Variants in METTL21C observed in about 807,000 individuals in gnomAD.
METTL21C encodes methyltransferase 21C, AARS1 lysine.
A neutral mutation model predicts 25.9 loss-of-function variants in METTL21C; 21 were observed. That is an observed-to-expected ratio of 0.81 (90% CI 0.58 to 1.17). METTL21C has a LOEUF of 1.17. METTL21C is among the 50% of genes most tolerant of loss of function. The pLI is 0.00. For synonymous variants in METTL21C, 125 were observed against 124.7 expected, an observed-to-expected ratio of 1.00 and a Z score of -0.01; for missense variants, 312 against 315.1, an observed-to-expected ratio of 0.99 and a Z score of 0.07.
intron 1 of METTL21C, among the ~76,000 whole-genome samples, chr13:102,692,397 A>G (rs1885854800): frequency 1.3e-5 from 2 of 152,176 alleles, no homozygotes; most frequent in Admixed American, 1.3e-4. Context: ...CAGTAAGTAG[A>G]GGGATTTGGA....
chr13:102,699,446 C>T (rs375222764), upstream of METTL21C, among the ~76,000 whole-genome samples: 10 of 152,258 alleles, frequency 6.6e-5, no homozygotes, highest in African/African-American at 1.9e-4. Context: ...TATTCCTGTT[C>T]CCATCCCAGA....
the METTL21C span, among the ~76,000 whole-genome samples, chr13:102,700,918 C>T: frequency 6.6e-6 from 1 of 151,800 alleles, no homozygotes; most frequent in African/African-American, 2.4e-5. Flanking sequence ...TAGCGCCGTC[C>T]GCTGCTTGGA....
At position 102,694,458 on chromosome 13, in the gene METTL21C, C is replaced by G; in HGVS notation, c.41G>C (p.Arg14Pro). 1.4e-6 allele frequency: 2 copies of G among 1,458,582 alleles called. No individual in the cohort carries two copies. Among genetic ancestry groups the G allele is most frequent in the Non-Finnish European group, 1.8e-6 (2 of 1,112,330 alleles). The allele number at this position is 1,458,582 out of a possible 1,614,324, so 90.4% of individuals were successfully genotyped here. Residue 14 changes from arginine to proline, a missense_variant, in exon 1 of 4, where the codon CGG becomes CCG. Transcript: ENST00000267273. ...CLSSAQQPGR[R>P]GEGLSSPGGW... ...ACCCGGGGAGCTGAGTCCTTCCCCCCGGCGCCCAGGCTGCTGCGCGGAGCT... is the reference window on the plus strand; with the variant it reads ...ACCCGGGGAGCTGAGTCCTTCCCCCGGGCGCCCAGGCTGCTGCGCGGAGCT...
At chr13:102,703,691 G>T in the METTL21C span, among the ~76,000 whole-genome samples, 1 of 152,220 alleles carries the variant, frequency 6.6e-6, no homozygotes, top group Admixed American at 6.5e-5. Flanking sequence ...GGGAGATGGG[G>T]CTTGTGAAAA....
rs757540643 is a variant in METTL21C, at chr13:102,686,194, T to C, written c.632A>G (p.Tyr211Cys). The C allele has an allele frequency of 2.5e-5, 40 of 1,614,088 alleles. No individual in the cohort carries two copies. The highest frequency in any genetic ancestry group is 3.4e-5 in the Non-Finnish European group (40 of 1,180,034). Residue 211 changes from tyrosine to cysteine, a missense_variant, in exon 4 of 4, where the codon TAC becomes TGC. Transcript: ENST00000267273. The part of the protein sequence containing the change: ...FLDKLLTTMV[Y>C]LSQPGTVLLW... ...CAGCACCGTCCCTGGCTGGGAAAGGTACACCATGGTGGTGAGCAGCTTGTC... is the reference window on the plus strand; with the variant it reads ...CAGCACCGTCCCTGGCTGGGAAAGGCACACCATGGTGGTGAGCAGCTTGTC...
upstream of METTL21C, among the ~76,000 whole-genome samples, chr13:102,698,843 A>G (rs143447459): frequency 6.0e-4 from 91 of 152,292 alleles, no homozygotes; most frequent in East Asian, 0.016. Context: ...TGTTGGTCCT[A>G]TAACACATCG....
the METTL21C span, among the ~76,000 whole-genome samples, chr13:102,700,566 T>C: frequency 0.59 from 89,673 of 152,068 alleles, 27,528 homozygotes; most frequent in Non-Finnish European, 0.66. Flanking sequence ...GGAGGAACGC[T>C]GTGCTTGGGA....
At chr13:102,700,181 CTT>C in the METTL21C span, among the ~76,000 whole-genome samples, 574 of 152,302 alleles carry the variant, frequency 3.8e-3, 3 homozygotes, top group African/African-American at 0.013. Context: ...AAGTTATAGT[CTT>C]TTTATTTTAA....
At chr13:102,693,238 A>G (rs1885873859) in intron 1 of METTL21C, among the ~76,000 whole-genome samples, 1 of 152,240 alleles carries the variant, frequency 6.6e-6, no homozygotes, top group African/African-American at 2.4e-5. Context: ...AGTGTTTATC[A>G]ACTTTGCTTT....
At position 102,687,141 on chromosome 13, in the gene METTL21C, C is replaced by G. The variant is rs188730118; in HGVS notation, c.283-84G>C. ...CCTTTCTGGCACCCAAATTTAAATA[C>G]TAAAAGACATGTTATTACATATGTT... is the stretch of plus-strand genomic sequence containing the variant. On this transcript the variant is annotated intron_variant, in intron 2 of 3. Coordinates refer to ENST00000267273, the MANE Select transcript of METTL21C (RefSeq NM_001010977.3). 281 of 956,906 alleles carry G rather than the reference C, an allele frequency of 2.9e-4. 3 individuals carry two copies. The African/African-American group carries it at 4.1e-3, about 14-fold the overall frequency. 59.3% of individuals were successfully genotyped at this position (956,906 alleles called of 1,614,324 possible).
chr13:102,685,769 A>G lies in METTL21C; in HGVS notation c.*262T>C. 1 of 371,040 alleles carries G rather than the reference A, an allele frequency of 2.7e-6. No homozygotes were observed. Among genetic ancestry groups the G allele is most frequent in the Non-Finnish European group, 4.8e-6 (1 of 206,990 alleles). 23.0% of individuals were successfully genotyped at this position (371,040 alleles called of 1,614,324 possible). Reference sequence around the variant, plus strand: ...TTATTACTTTATCCATGTAAGATTTATTAAACATGTAACTTCGTTGGAACC... The same window carrying G: ...TTATTACTTTATCCATGTAAGATTTGTTAAACATGTAACTTCGTTGGAACC... On this transcript the variant is annotated 3_prime_UTR_variant, in exon 4 of 4. Coordinates refer to ENST00000267273, the MANE Select transcript of METTL21C (RefSeq NM_001010977.3).
intron 2 of METTL21C, among the ~76,000 whole-genome samples, chr13:102,688,329 C>G (rs921736514): frequency 6.6e-6 from 1 of 152,226 alleles, no homozygotes; most frequent in Non-Finnish European, 1.5e-5. Context: ...ATGAATATGA[C>G]GCAGTCACCT....
At chr13:102,703,618 G>C in the METTL21C span, among the ~76,000 whole-genome samples, 1 of 152,234 alleles carries the variant, frequency 6.6e-6, no homozygotes, top group African/African-American at 2.4e-5. Context: ...GCACAGTGAA[G>C]CAGATGTTAT....
In METTL21C at chr13:102,694,368, C is replaced by T. The variant is rs1189708453; in HGVS notation, c.130+1G>A. 1 of 1,601,570 alleles carries T rather than the reference C, an allele frequency of 6.2e-7. No individual in the cohort carries two copies. The highest frequency in any genetic ancestry group is 8.5e-7 in the Non-Finnish European group (1 of 1,173,428). On this transcript the variant is annotated splice_donor_variant, in intron 1 of 3. Coordinates refer to ENST00000267273, the MANE Select transcript of METTL21C (RefSeq NM_001010977.3). LOFTEE classifies it high-confidence loss of function. Reference sequence around the variant, plus strand: ...GTTGAAGTGATGAAGAAGGAGGTTACCTTCTAGGACTCCCCCGGTGCTGTC... The same window carrying T: ...GTTGAAGTGATGAAGAAGGAGGTTATCTTCTAGGACTCCCCCGGTGCTGTC...
chr13:102,692,024 GAAAGAAT>G (rs1885843636), intron 1 of METTL21C, among the ~76,000 whole-genome samples: 1 of 152,160 alleles, frequency 6.6e-6, no homozygotes, highest in South Asian at 2.1e-4. Context: ...CAGCGGGTGG[GAAAGAAT>G]TAACAGTGCG....
At chr13:102,691,076 GA>G in intron 1 of METTL21C, 112 bp from the exon 2 acceptor site, 1 of 1,214,802 alleles carries the variant, frequency 8.2e-7, no homozygotes, top group Admixed American at 2.1e-5. Flanking sequence ...TACATAAAGA[GA>G]AGGGATGATG....
intron 2 of METTL21C, 63 bp from the exon 3 acceptor site, chr13:102,687,120 T>G: frequency 8.3e-7 from 1 of 1,206,288 alleles, no homozygotes; most frequent in Non-Finnish European, 1.2e-6. Context: ...AGCAACCCTT[T>G]CTGGCACCCA....
chr13:102,704,123 T>C, the METTL21C span, among the ~76,000 whole-genome samples: 1 of 152,200 alleles, frequency 6.6e-6, no homozygotes, highest in Non-Finnish European at 1.5e-5. Context: ...CCAACTAAAC[T>C]TCTCTGTTTT....
chr13:102,699,251 T>C (rs977449515), upstream of METTL21C, among the ~76,000 whole-genome samples: 2 of 152,106 alleles, frequency 1.3e-5, no homozygotes, highest in Admixed American at 6.5e-5. Context: ...CAGTGGAAAA[T>C]AACCTGAAGT....
Sources: allele counts gnomAD v4.1 joint callset (sites outside exome capture counted in the v4.1 genomes callset), GRCh38; gene constraint gnomAD v4.1.1; transcripts MANE v1.5; gene names NCBI Gene and HGNC (gene_info 2026-07-23, HGNC 2026-07-21).